The following TRDN variants were observed in gnomAD, a reference collection of about 807,000 sequenced individuals.
The protein encoded by TRDN is triadin in skeletal muscle.
TRDN carries 161 observed loss-of-function variants against 149.7 expected under a neutral mutation model. That is an observed-to-expected ratio of 1.08 (90% confidence interval 0.95 to 1.23). The LOEUF (loss-of-function observed/expected upper bound fraction) is 1.23, where lower values mean the gene tolerates loss of function less well. Ranked by LOEUF, TRDN falls within the 50% of genes most tolerant of loss-of-function variation. The pLI, the probability that TRDN is intolerant of heterozygous loss-of-function variation, is 0.00. For synonymous variants in TRDN, 294 were observed against 250.5 expected, an observed-to-expected ratio of 1.17 and a Z score of -1.64; for missense variants, 896 against 823.5, an observed-to-expected ratio of 1.09 and a Z score of -1.08.
At chr6:123,249,102 T>C (rs78358513) in intron 38 of TRDN, among the ~76,000 whole-genome samples, 9 of 151,948 alleles carry the variant, frequency 5.9e-5, no homozygotes, top group East Asian at 3.9e-4. Context: ...CATCAACAGA[T>C]TGAAGGACAA....
At chr6:123,471,976 C>T (rs1777177523) in intron 9 of TRDN, among the ~76,000 whole-genome samples, 1 of 152,166 alleles carries the variant, frequency 6.6e-6, no homozygotes, top group Non-Finnish European at 1.5e-5. Context: ...CTTTTGAAAT[C>T]AGCCATTCTA....
intron 9 of TRDN, among the ~76,000 whole-genome samples, chr6:123,495,897 A>G (rs1778423723): frequency 6.6e-6 from 1 of 151,928 alleles, no homozygotes; most frequent in East Asian, 1.9e-4. Context: ...CTCAAGACCT[A>G]ATACTAGAAA....
chr6:123,370,203 G>A (rs182854945), intron 19 of TRDN, among the ~76,000 whole-genome samples: 3 of 152,032 alleles, frequency 2.0e-5, no homozygotes, highest in East Asian at 3.9e-4. Context: ...AGCACTGCAC[G>A]CTTCTCTATC....
intron 1 of TRDN, among the ~76,000 whole-genome samples, chr6:123,595,118 T>G (rs1783970269): frequency 6.6e-6 from 1 of 152,134 alleles, no homozygotes; most frequent in African/African-American, 2.4e-5. Flanking sequence ...CCTGGTGTCC[T>G]GCAAATTATT....
intron 24 of TRDN, among the ~76,000 whole-genome samples, chr6:123,300,370 C>T (rs1018150177): frequency 7.9e-5 from 12 of 152,024 alleles, no homozygotes; most frequent in Non-Finnish European, 1.6e-4. Context: ...ACAAGATTAA[C>T]TATCTGAATA....
intron 9 of TRDN, among the ~76,000 whole-genome samples, chr6:123,475,733 G>C (rs1353712745): frequency 7.7e-6 from 1 of 130,372 alleles, no homozygotes; most frequent in Non-Finnish European, 1.6e-5. Context: ...CTTCATCCCT[G>C]GGATGCAAGG....
At chr6:123,521,118 A>T (rs1779658038) in intron 5 of TRDN, among the ~76,000 whole-genome samples, 1 of 152,170 alleles carries the variant, frequency 6.6e-6, no homozygotes, top group African/African-American at 2.4e-5. Context: ...CCAAAAACTG[A>T]AGGAGTTCTA....
At chr6:123,287,185 T>G (rs1777832176) in intron 24 of TRDN, among the ~76,000 whole-genome samples, 1 of 152,180 alleles carries the variant, frequency 6.6e-6, no homozygotes, top group Non-Finnish European at 1.5e-5. Flanking sequence ...ATTCGTATAT[T>G]CAGTTAAGAT....
chr6:123,308,005 C>G lies in TRDN; in HGVS notation c.1510+8452G>C, dbSNP rs145940809. Among the ~76,000 whole-genome samples, 39 of 152,020 alleles carry G rather than the reference C, an allele frequency of 2.6e-4. 1 individual carries two copies. Among genetic ancestry groups the G allele is most frequent in the African/African-American group, 8.4e-4 (35 of 41,504 alleles). On this transcript the variant is annotated intron_variant, in intron 24 of 40. Coordinates refer to ENST00000334268, the MANE Select transcript of TRDN (RefSeq NM_006073.4). Reference sequence around the variant, plus strand: ...AATAGTTAGTTTCTCAACCCTTTGTCCCCTCTCTTTCTCCCATCTCTAGTA... The same window carrying G: ...AATAGTTAGTTTCTCAACCCTTTGTGCCCTCTCTTTCTCCCATCTCTAGTA...
At chr6:123,510,354 G>A (rs1265768369) in intron 7 of TRDN, 2 of 151,984 alleles carry the variant, frequency 1.3e-5, no homozygotes, top group Non-Finnish European at 2.9e-5. Context: ...TAAATGGGTA[G>A]TTTCTTAAAA....
chr6:123,282,471 C>T (rs1777619043), intron 24 of TRDN, among the ~76,000 whole-genome samples: 1 of 151,768 alleles, frequency 6.6e-6, no homozygotes, highest in African/African-American at 2.4e-5. Flanking sequence ...AGATATTTGT[C>T]AAATTACTAT....
intron 14 of TRDN, among the ~76,000 whole-genome samples, chr6:123,385,854 T>C (rs926152859): frequency 6.6e-6 from 1 of 152,108 alleles, no homozygotes; most frequent in Non-Finnish European, 1.5e-5. Context: ...GAGCAGCTAG[T>C]GATTACACAC....
intron 21 of TRDN, among the ~76,000 whole-genome samples, chr6:123,343,196 T>C (rs1276651561): frequency 6.6e-6 from 1 of 152,018 alleles, no homozygotes; most frequent in Admixed American, 6.6e-5. Flanking sequence ...CTAAGAAATT[T>C]TGAGTGACTT....
intron 21 of TRDN, among the ~76,000 whole-genome samples, chr6:123,345,971 T>C (rs1780231213): frequency 6.6e-6 from 1 of 152,104 alleles, no homozygotes. Flanking sequence ...TAAGTCATAT[T>C]TGAACAAATA....
At chr6:123,479,633 C>T (rs1435822322) in intron 9 of TRDN, among the ~76,000 whole-genome samples, 7 of 152,138 alleles carry the variant, frequency 4.6e-5, no homozygotes, top group Admixed American at 6.6e-5. Flanking sequence ...CCCAAGTATG[C>T]GGAGTCCCAG....
intron 12 of TRDN, among the ~76,000 whole-genome samples, chr6:123,419,256 A>G (rs1403067708): frequency 6.6e-6 from 1 of 152,156 alleles, no homozygotes; most frequent in Non-Finnish European, 1.5e-5. Flanking sequence ...TATAAGCAGG[A>G]TTTATGGTAA....
intron 4 of TRDN, among the ~76,000 whole-genome samples, chr6:123,542,999 A>G (rs1248896277): frequency 6.6e-6 from 1 of 152,072 alleles, no homozygotes; most frequent in Non-Finnish European, 1.5e-5. Context: ...CATTACTATT[A>G]TTCACATTTT....
At chr6:123,482,550 T>C (rs1157782812) in intron 9 of TRDN, among the ~76,000 whole-genome samples, 1 of 152,194 alleles carries the variant, frequency 6.6e-6, no homozygotes, top group Non-Finnish European at 1.5e-5. Context: ...TATAATCACA[T>C]AAAAATAATA....
chr6:123,489,014 T>C (rs1778091566), intron 9 of TRDN: 1 of 152,182 alleles, frequency 6.6e-6, no homozygotes, highest in Non-Finnish European at 1.5e-5. Context: ...TAGCAACTGG[T>C]ACTCACAGAA....
Sources: gnomAD v4.1 joint callset for allele counts (sites outside exome capture counted in the v4.1 genomes callset) on GRCh38, gnomAD v4.1.1 for gene constraint, MANE v1.5 for transcripts, NCBI Gene and HGNC (gene_info 2026-07-23, HGNC 2026-07-21) for gene names.